Variants in SLC25A42 observed in about 807,000 individuals in gnomAD.
The protein encoded by SLC25A42 is mitochondrial coenzyme A transporter SLC25A42.
SLC25A42 carries 19 observed loss-of-function variants against 34.7 expected under a neutral mutation model. That is an observed-to-expected ratio of 0.55 (90% CI 0.38 to 0.80). The LOEUF (loss-of-function observed/expected upper bound fraction) is 0.80. Ranked by LOEUF, SLC25A42 falls within the 30% of genes least tolerant of loss-of-function variation. The pLI, the probability that SLC25A42 is intolerant of heterozygous loss-of-function variation, is 0.00. For synonymous variants in SLC25A42, 205 were observed against 191.2 expected, an observed-to-expected ratio of 1.07 and a Z score of -0.59; for missense variants, 364 against 441.3, an observed-to-expected ratio of 0.82 and a Z score of 1.57.
intron 1 of SLC25A42, among the ~76,000 whole-genome samples, chr19:19,087,326 C>G (rs942680511): frequency 6.6e-6 from 1 of 152,104 alleles, no homozygotes; most frequent in Non-Finnish European, 1.5e-5. Flanking sequence ...CTCGCTCTGT[C>G]GCCCAGGCTG....
chr19:19,083,187 T>G (rs1263539389), intron 1 of SLC25A42, among the ~76,000 whole-genome samples: 4 of 152,108 alleles, frequency 2.6e-5, no homozygotes, highest in African/African-American at 9.7e-5. Context: ...GGCCCTCAAG[T>G]GATCTTCCCA....
intron 6 of SLC25A42, among the ~76,000 whole-genome samples, chr19:19,107,323 A>AAAC (rs1555769368): frequency 2.0e-5 from 3 of 151,122 alleles, no homozygotes; most frequent in Non-Finnish European, 4.4e-5. Flanking sequence ...CTCCAAAAAA[A>AAAC]AAAAAACAAA....
At chr19:19,104,735 C>T (rs901950133) in intron 3 of SLC25A42, among the ~76,000 whole-genome samples, 178 bp from the exon 4 acceptor site, 1 of 152,206 alleles carries the variant, frequency 6.6e-6, no homozygotes, top group Admixed American at 6.5e-5. Context: ...ACACGTTCTC[C>T]TCTCAATGGA....
intron 2 of SLC25A42, among the ~76,000 whole-genome samples, chr19:19,100,331 G>A (rs1039592474): frequency 6.6e-6 from 1 of 152,024 alleles, no homozygotes; most frequent in Non-Finnish European, 1.5e-5. Context: ...GACAGAGCAA[G>A]ACTGTGCCTC....
chr19:19,105,980 G>T, intron 5 of SLC25A42: 1 of 553,060 alleles, frequency 1.8e-6, no homozygotes. Context: ...CCACCCCCAC[G>T]CATAAATCCC....
In SLC25A42 at chr19:19,081,400, G is replaced by A. The variant is rs140415222; in HGVS notation, c.-34-14691G>A. 2.0e-5 allele frequency among the ~76,000 whole-genome samples: 3 copies of A among 152,302 alleles called. No individual in the cohort carries two copies. In the East Asian group the frequency reaches 5.8e-4, roughly 29 times the overall value. On this transcript the variant is annotated intron_variant, in intron 1 of 7. Coordinates refer to ENST00000318596, the MANE Select transcript of SLC25A42 (RefSeq NM_178526.5). The surrounding 1 kb of genome is among the most constrained non-coding windows in gnomAD (Gnocchi z 4.5). ...GTTTCCAGTGCCAGTTGGCCCGTCT[G>A]TTTTTAAATAAACAGAAGCATGTTT...
chr19:19,102,531 G>T (rs1032748832), intron 3 of SLC25A42, among the ~76,000 whole-genome samples: 2 of 151,872 alleles, frequency 1.3e-5, no homozygotes, highest in African/African-American at 4.8e-5. Context: ...ATCACTTGAG[G>T]TCAGGAGTTT....
In SLC25A42 at chr19:19,099,635, T is replaced by TA. The variant is rs570872313; in HGVS notation, c.82-2145dup. ...GCTCAGTCTGACTCCGGTTGCCTGT[T>TA]ACACCTGAGTAGTGCGCCACATCCC... On this transcript the variant is annotated intron_variant, in intron 2 of 7. Transcript: ENST00000318596. 2.6e-3 allele frequency among the ~76,000 whole-genome samples: 401 copies of TA among 152,254 alleles called. 4 individuals carry two copies. The highest frequency in any genetic ancestry group is 1.1e-3 in the Non-Finnish European group (78 of 68,016).
At chr19:19,096,267 TC>T in intron 2 of SLC25A42, 62 bp downstream of exon 2, 1 of 981,862 alleles carries the variant, frequency 1.0e-6, no homozygotes, top group Non-Finnish European at 1.3e-6. Context: ...CCACCCCCCC[TC>T]CCAGGCTCCC....
At chr19:19,105,181 T>C (rs1428139302) in intron 4 of SLC25A42, 2 of 592,242 alleles carry the variant, frequency 3.4e-6, no homozygotes, top group Non-Finnish European at 6.0e-6. Flanking sequence ...GTTTGATTTA[T>C]TGTTAAACAG....
intron 1 of SLC25A42, 111 bp from the exon 2 acceptor site, chr19:19,095,980 G>T: frequency 1.3e-6 from 1 of 743,218 alleles, no homozygotes. Flanking sequence ...TGCAGTTGAG[G>T]GCATCCCTCC....
chr19:19,067,057 A>G (rs1162036097), intron 1 of SLC25A42, among the ~76,000 whole-genome samples: 1 of 150,224 alleles, frequency 6.7e-6, no homozygotes, highest in Non-Finnish European at 1.5e-5. Context: ...GTAAAAGGGC[A>G]TATTCCTCCT....
chr19:19,084,235 C>T (rs901563973), intron 1 of SLC25A42, among the ~76,000 whole-genome samples: 4 of 152,244 alleles, frequency 2.6e-5, no homozygotes, highest in African/African-American at 9.7e-5. Flanking sequence ...ACCCAGCGTC[C>T]ACCACAGGCC....
At chr19:19,107,325 A>AAC (rs1555769373) in intron 6 of SLC25A42, among the ~76,000 whole-genome samples, 2 of 151,178 alleles carry the variant, frequency 1.3e-5, no homozygotes, top group Admixed American at 6.6e-5. Context: ...CCAAAAAAAA[A>AAC]AAAACAAAAA....
intron 2 of SLC25A42, among the ~76,000 whole-genome samples, chr19:19,099,016 C>T (rs1568520104): frequency 6.6e-6 from 1 of 152,212 alleles, no homozygotes; most frequent in Non-Finnish European, 1.5e-5. Flanking sequence ...GAGGCACTCT[C>T]CATGGAATAT....
chr19:19,092,823 C>G (rs1346717807), intron 1 of SLC25A42, among the ~76,000 whole-genome samples: 1 of 152,154 alleles, frequency 6.6e-6, no homozygotes, highest in African/African-American at 2.4e-5. Flanking sequence ...ACCCAAGCGC[C>G]CAAGTGCAAG....
At chr19:19,095,191 AT>A (rs1327960029) in intron 1 of SLC25A42, among the ~76,000 whole-genome samples, 3 of 144,136 alleles carry the variant, frequency 2.1e-5, no homozygotes, top group Non-Finnish European at 4.5e-5. Flanking sequence ...ACAGAGGGAG[AT>A]TCTGTCAAAG....
chr19:19,065,781 ATATTT>A (rs1385351892), intron 1 of SLC25A42, among the ~76,000 whole-genome samples: 1 of 152,232 alleles, frequency 6.6e-6, no homozygotes, highest in African/African-American at 2.4e-5. Context: ...GTTTATATAC[ATATTT>A]TATATATACA....
intron 2 of SLC25A42, among the ~76,000 whole-genome samples, chr19:19,100,852 C>T (rs554607053): frequency 6.6e-6 from 1 of 152,352 alleles, no homozygotes; most frequent in Non-Finnish European, 1.5e-5. Context: ...AGTCACTGAA[C>T]AACCTGCCCT....
Sources: gnomAD v4.1 joint callset for allele counts (sites outside exome capture counted in the v4.1 genomes callset) on GRCh38, gnomAD v4.1.1 for gene constraint, Gnocchi (gnomAD v3.1) non-coding constraint, MANE v1.5 for transcripts, NCBI Gene and HGNC (gene_info 2026-07-23, HGNC 2026-07-21) for gene names.